The following ADAMTSL1 variants were observed in gnomAD, a reference collection of about 807,000 sequenced individuals.
The protein encoded by ADAMTSL1 is ADAMTS like 1, also known as ADAMTS-like protein 1.
ADAMTSL1 carries 126 observed loss-of-function variants against 201.8 expected under a neutral mutation model. The observed-to-expected ratio is 0.62, with a 90% CI of 0.54 to 0.72. The LOEUF (loss-of-function observed/expected upper bound fraction) is 0.72. Among genes scored for constraint, ADAMTSL1 ranks in the 30% least tolerant of loss-of-function variants. The pLI is 0.00. For synonymous variants in ADAMTSL1, 1,121 were observed against 903.4 expected (o/e 1.24, Z -4.32); for missense variants, 2,679 against 2,277.8 (o/e 1.18, Z -3.59).
At chr9:18,222,726 G>T (rs1265178413) in intron 2 of ADAMTSL1, among the ~76,000 whole-genome samples, 1 of 144,196 alleles carries the variant, frequency 6.9e-6, no homozygotes, top group African/African-American at 2.6e-5. Flanking sequence ...GAAATAAATA[G>T]TTTAGAAGTT....
intron 2 of ADAMTSL1, among the ~76,000 whole-genome samples, chr9:18,268,409 A>G (rs1832223754): frequency 6.6e-6 from 1 of 152,200 alleles, no homozygotes; most frequent in African/African-American, 2.4e-5. Flanking sequence ...CAGCTGCACA[A>G]AAATACACAT....
intron 1 of ADAMTSL1, among the ~76,000 whole-genome samples, chr9:18,013,000 TTTTC>T (rs200076773): frequency 5.1e-4 from 68 of 134,558 alleles, no homozygotes; most frequent in African/African-American, 1.6e-3. Context: ...AGCATTTTTT[TTTTC>T]TTTAGCACAT....
chr9:17,995,835 A>G (rs1377102321), intron 1 of ADAMTSL1, among the ~76,000 whole-genome samples: 1 of 151,424 alleles, frequency 6.6e-6, no homozygotes, highest in East Asian at 1.9e-4. Context: ...GAAATAGAGG[A>G]TCCAGGTTCA....
intron 15 of ADAMTSL1, among the ~76,000 whole-genome samples, chr9:18,740,222 T>C (rs1818742532): frequency 6.6e-6 from 1 of 152,070 alleles, no homozygotes; most frequent in African/African-American, 2.4e-5. Flanking sequence ...TGCTGGCCAT[T>C]CCAGCACTCA....
intron 1 of ADAMTSL1, among the ~76,000 whole-genome samples, chr9:18,037,672 A>C (rs1262527457): frequency 6.6e-6 from 1 of 152,156 alleles, no homozygotes; most frequent in Non-Finnish European, 1.5e-5. Flanking sequence ...ATTCCAGCCT[A>C]TTGGAACCCA....
intron 2 of ADAMTSL1, among the ~76,000 whole-genome samples, chr9:18,241,524 C>A (rs1831061626): frequency 6.6e-6 from 1 of 152,008 alleles, no homozygotes; most frequent in Non-Finnish European, 1.5e-5. Context: ...TAGACTAAAA[C>A]AGCCAAAATG....
chr9:18,905,691 C>A (rs1241531501), intron 26 of ADAMTSL1, 91 bp from the exon 27 acceptor site: 4 of 955,392 alleles, frequency 4.2e-6, no homozygotes, highest in Non-Finnish European at 6.5e-6. Context: ...AAGACCTACA[C>A]AAGGATCGTG....
intron 15 of ADAMTSL1, among the ~76,000 whole-genome samples, chr9:18,734,612 A>G (rs780660877): frequency 6.6e-6 from 1 of 152,240 alleles, no homozygotes; most frequent in Non-Finnish European, 1.5e-5. Flanking sequence ...AGGCAGAGCC[A>G]TAACAGTCAT....
chr9:18,887,791 A>G, intron 23 of ADAMTSL1, 40 bp from the exon 24 acceptor site: 1 of 1,560,278 alleles, frequency 6.4e-7, no homozygotes, highest in Non-Finnish European at 8.8e-7. Flanking sequence ...TGTGTTCCTT[A>G]TGGCTTTACT....
intron 2 of ADAMTSL1, among the ~76,000 whole-genome samples, chr9:18,210,801 C>T (rs962032967): frequency 2.0e-5 from 3 of 151,320 alleles, no homozygotes; most frequent in Non-Finnish European, 4.4e-5. Flanking sequence ...CACAATATCT[C>T]CTGATGCTCT....
chr9:18,189,397 G>A (rs1023024598), intron 2 of ADAMTSL1, among the ~76,000 whole-genome samples: 1 of 152,074 alleles, frequency 6.6e-6, no homozygotes, highest in Non-Finnish European at 1.5e-5. Context: ...GATCTAAGCT[G>A]GTTCTATAGA....
chr9:18,160,943 C>T (rs1473229240), intron 1 of ADAMTSL1, among the ~76,000 whole-genome samples: 1 of 150,786 alleles, frequency 6.6e-6, no homozygotes, highest in Non-Finnish European at 1.5e-5. Context: ...GTGCCTCAGC[C>T]TCTCAAAGTG....
chr9:18,021,013 G>C (rs573407343), intron 1 of ADAMTSL1, among the ~76,000 whole-genome samples: 1 of 152,282 alleles, frequency 6.6e-6, no homozygotes, highest in African/African-American at 2.4e-5. Context: ...GGTCTGCACA[G>C]TGGTACTGTC....
At chr9:17,928,163 T>A (rs1019397633) in intron 1 of ADAMTSL1, among the ~76,000 whole-genome samples, 14 of 151,980 alleles carry the variant, frequency 9.2e-5, no homozygotes, top group Non-Finnish European at 2.1e-4. Flanking sequence ...GCCCAGCTAA[T>A]GTTTTTGTGT....
intron 4 of ADAMTSL1, among the ~76,000 whole-genome samples, chr9:18,602,534 G>A (rs950029575): frequency 1.3e-5 from 2 of 152,158 alleles, no homozygotes; most frequent in Non-Finnish European, 2.9e-5. Flanking sequence ...TCTGATTTTG[G>A]GGGGACTTGG....
chr9:17,954,514 A>G (rs1293321671), intron 1 of ADAMTSL1, among the ~76,000 whole-genome samples: 1 of 152,208 alleles, frequency 6.6e-6, no homozygotes, highest in Non-Finnish European at 1.5e-5. Context: ...AAATGTCATT[A>G]TTATACCTGC....
intron 23 of ADAMTSL1, among the ~76,000 whole-genome samples, chr9:18,851,171 T>G (rs576837472): frequency 1.3e-5 from 2 of 151,986 alleles, no homozygotes; most frequent in Non-Finnish European, 1.5e-5. Flanking sequence ...GAAGTTTCAT[T>G]CTATGCCAAG....
At chr9:18,674,726 G>A (rs761952293) in intron 9 of ADAMTSL1, among the ~76,000 whole-genome samples, 3 of 151,838 alleles carry the variant, frequency 2.0e-5, no homozygotes, top group Non-Finnish European at 4.4e-5. Flanking sequence ...TATCCCAGAG[G>A]CACAGATAGA....
intron 2 of ADAMTSL1, among the ~76,000 whole-genome samples, chr9:18,190,862 G>A (rs565923046): frequency 4.6e-5 from 7 of 152,212 alleles, no homozygotes; most frequent in Non-Finnish European, 7.4e-5. Flanking sequence ...AATAAGTGGC[G>A]CTATGTCTTT....
Sources: allele counts gnomAD v4.1 joint callset (sites outside exome capture counted in the v4.1 genomes callset), GRCh38; gene constraint gnomAD v4.1.1; transcripts MANE v1.5; gene names NCBI Gene and HGNC (gene_info 2026-07-23, HGNC 2026-07-21).